The following SND1 variants were observed in gnomAD, a reference collection of about 807,000 sequenced individuals.
SND1 encodes the protein staphylococcal nuclease domain-containing protein 1.
A neutral mutation model predicts 121.7 loss-of-function variants in SND1; 38 were observed. The ratio of observed to expected loss-of-function variants is 0.31; its 90% CI spans 0.24 to 0.41. SND1 has a LOEUF of 0.41. Ranked by LOEUF, SND1 falls within the 10% of genes least tolerant of loss-of-function variation. SND1 has a pLI of 1.00. For missense variants in SND1, 868 were observed against 1,184.6 expected (o/e 0.73, Z 3.92); for synonymous variants, 401 against 447.4 (o/e 0.90, Z 1.31).
intron 15 of SND1, among the ~76,000 whole-genome samples, chr7:127,968,029 G>A (rs1801895679): frequency 6.6e-6 from 1 of 152,174 alleles, no homozygotes; most frequent in South Asian, 2.1e-4. Flanking sequence ...GAACACTAAG[G>A]CTCTGCGAGG....
chr7:128,081,152 G>A (rs929219149), intron 17 of SND1, among the ~76,000 whole-genome samples: 3 of 151,820 alleles, frequency 2.0e-5, no homozygotes, highest in East Asian at 1.9e-4. Flanking sequence ...GCCCACCACC[G>A]CACCCAGCTA....
At chr7:128,077,820 A>C (rs1793531744) in intron 17 of SND1, among the ~76,000 whole-genome samples, 1 of 152,232 alleles carries the variant, frequency 6.6e-6, no homozygotes, top group African/African-American at 2.4e-5. Context: ...TTCTCTGCCC[A>C]GCTCTTTGGC....
At chr7:127,797,068 T>G (rs1300330023) in intron 10 of SND1, among the ~76,000 whole-genome samples, 3 of 152,152 alleles carry the variant, frequency 2.0e-5, no homozygotes, top group African/African-American at 7.2e-5. Flanking sequence ...AATTTTTGTA[T>G]TTTTAGTGGA....
At chr7:127,658,585 T>C (rs1795252752) in intron 1 of SND1, among the ~76,000 whole-genome samples, 1 of 152,242 alleles carries the variant, frequency 6.6e-6, no homozygotes, top group South Asian at 2.1e-4. Context: ...CTCTGGCCTC[T>C]GGCAGTACTT....
At chr7:127,674,323 A>G (rs1795579955) in intron 1 of SND1, among the ~76,000 whole-genome samples, 1 of 152,246 alleles carries the variant, frequency 6.6e-6, no homozygotes, top group Non-Finnish European at 1.5e-5. Flanking sequence ...ACACACATGT[A>G]TCTCTCTATT....
At chr7:128,070,925 G>A (rs1056949689) in intron 16 of SND1, among the ~76,000 whole-genome samples, 12 of 152,134 alleles carry the variant, frequency 7.9e-5, no homozygotes, top group African/African-American at 2.4e-4. Flanking sequence ...CATCTGGCGG[G>A]GCACATTTCC....
chr7:128,064,540 G>C (rs1221589636), intron 16 of SND1, among the ~76,000 whole-genome samples: 1 of 152,214 alleles, frequency 6.6e-6, no homozygotes, highest in Non-Finnish European at 1.5e-5. Context: ...GGCCTGGGAT[G>C]AGAAATGGAG....
intron 1 of SND1, among the ~76,000 whole-genome samples, chr7:127,674,077 TCTTCCTGC>T (rs973019723): frequency 1.9e-4 from 29 of 151,692 alleles, no homozygotes; most frequent in African/African-American, 6.8e-4. Context: ...TGTCTTCCTG[TCTTCCTGC>T]CTTCCTCTCT....
chr7:127,990,852 C>T, intron 15 of SND1, 95 bp from the exon 16 acceptor site: 1 of 749,938 alleles, frequency 1.3e-6, no homozygotes, highest in Non-Finnish European at 2.2e-6. Flanking sequence ...AGATGTAACG[C>T]CTGCTTCACT....
At chr7:127,916,290 G>C (rs1584664121) in intron 14 of SND1, among the ~76,000 whole-genome samples, 1 of 152,048 alleles carries the variant, frequency 6.6e-6, no homozygotes, top group African/African-American at 2.4e-5. Flanking sequence ...TGATTGGATT[G>C]GGGTCAAGGA....
chr7:127,792,507 T>A (rs11521053), intron 10 of SND1, among the ~76,000 whole-genome samples: 49,777 of 151,936 alleles, frequency 0.33, 9,056 homozygotes, highest in Admixed American at 0.42. Context: ...ACTAACAAGG[T>A]GAAGAAAAGA....
intron 13 of SND1, among the ~76,000 whole-genome samples, chr7:127,899,927 G>A (rs1391282273): frequency 1.3e-5 from 2 of 152,190 alleles, no homozygotes; most frequent in Non-Finnish European, 2.9e-5. Flanking sequence ...TACCAGGAAA[G>A]CATTGTTAAA....
At chr7:127,882,924 C>T (rs557614215) in intron 12 of SND1, among the ~76,000 whole-genome samples, 3 of 152,164 alleles carry the variant, frequency 2.0e-5, no homozygotes, top group East Asian at 3.9e-4. Context: ...TAAAAAGGGA[C>T]CTAACAACCT....
chr7:127,920,610 A>G (rs1182893507), intron 14 of SND1, among the ~76,000 whole-genome samples: 2 of 152,158 alleles, frequency 1.3e-5, no homozygotes, highest in Non-Finnish European at 2.9e-5. Flanking sequence ...GCTTTTCTAT[A>G]CAGCAAGAAT....
intron 21 of SND1, among the ~76,000 whole-genome samples, chr7:128,087,307 GGGCAGTGGCAGGAGGTGATCA>G (rs540576627): frequency 8.5e-5 from 13 of 152,260 alleles, no homozygotes; most frequent in East Asian, 3.9e-4. Flanking sequence ...GGGGGCTTTT[GGGCAGTGGCAGGAGGTGATCA>G]GGCAGTGGCA....
chr7:127,665,380 G>A (rs763190072), intron 1 of SND1, among the ~76,000 whole-genome samples: 3 of 151,940 alleles, frequency 2.0e-5, no homozygotes, highest in Non-Finnish European at 4.4e-5. Context: ...GTAGAGATGG[G>A]GTTTCACCGT....
intron 12 of SND1, among the ~76,000 whole-genome samples, chr7:127,885,102 C>T (rs900981561): frequency 6.6e-6 from 1 of 152,024 alleles, no homozygotes; most frequent in Non-Finnish European, 1.5e-5. Context: ...GCTCTGACAC[C>T]CCAAGCCAGA....
intron 15 of SND1, among the ~76,000 whole-genome samples, chr7:127,951,118 CCT>C (rs1801453237): frequency 1.3e-5 from 2 of 152,278 alleles, no homozygotes; most frequent in South Asian, 4.1e-4. Flanking sequence ...CTTGCAGTCC[CCT>C]GTTCATTGCA....
At chr7:127,918,808 A>G (rs1359308113) in intron 14 of SND1, among the ~76,000 whole-genome samples, 4 of 152,238 alleles carry the variant, frequency 2.6e-5, no homozygotes, top group Admixed American at 1.3e-4. Flanking sequence ...GAACATGTCC[A>G]TAAAGTAGAA....
Sources: allele counts gnomAD v4.1 joint callset (sites outside exome capture counted in the v4.1 genomes callset), GRCh38; gene constraint gnomAD v4.1.1; transcripts MANE v1.5; gene names NCBI Gene and HGNC (gene_info 2026-07-23, HGNC 2026-07-21).